Variants in SYN2 observed in about 807,000 individuals in gnomAD.
SYN2 encodes synapsin II, also known as synapsin-2.
A neutral mutation model predicts 50.9 loss-of-function variants in SYN2; 19 were observed. The observed-to-expected ratio is 0.37, with a 90% confidence interval of 0.26 to 0.55. The LOEUF (loss-of-function observed/expected upper bound fraction) is 0.55. SYN2 is among the 20% of genes least tolerant of loss of function. The pLI, the probability that SYN2 is intolerant of heterozygous loss-of-function variation, is 0.81. For missense variants in SYN2, 587 were observed against 576.4 expected, an observed-to-expected ratio of 1.02 and a Z score of -0.19; for synonymous variants, 255 against 224.9, an observed-to-expected ratio of 1.13 and a Z score of -1.20.
At chr3:12,118,531 A>G (rs1334444425) in intron 1 of SYN2, among the ~76,000 whole-genome samples, 1 of 152,228 alleles carries the variant, frequency 6.6e-6, no homozygotes, top group Non-Finnish European at 1.5e-5. Context: ...TGAAACAGTT[A>G]TTTATGGTTT....
At chr3:12,141,326 C>T (rs1288480480) in intron 2 of SYN2, among the ~76,000 whole-genome samples, 2 of 151,920 alleles carry the variant, frequency 1.3e-5, no homozygotes, top group African/African-American at 4.8e-5. Flanking sequence ...AAAGAAGTTT[C>T]TCATCATTCA....
At position 12,082,475 on chromosome 3, in the gene SYN2, G is replaced by A. The variant is rs139388230; in HGVS notation, c.378-58176G>A. ...GATGCCGGCCAAAGGCCAAATTTGCGAACAGGCTTTTGTAAGGATAGCAGT... is the reference window on the plus strand; with the variant it reads ...GATGCCGGCCAAAGGCCAAATTTGCAAACAGGCTTTTGTAAGGATAGCAGT... On this transcript the variant is annotated intron_variant, in intron 1 of 12. Coordinates refer to ENST00000621198, the MANE Select transcript of SYN2 (RefSeq NM_133625.6). Among the ~76,000 whole-genome samples the A allele has an allele frequency of 2.4e-4, 37 of 152,318 alleles. 1 individual carries two copies. The highest frequency in any genetic ancestry group is 4.6e-4 in the Admixed American group (7 of 15,302).
chr3:12,169,893 C>G lies in SYN2; in HGVS notation c.1295C>G (p.Thr432Ser). ...CTGTCTCCTCAGAGACCCCTAACAACCCAGCAGCCACAGGTAAGCAGCTAG... is the reference window on the plus strand; with the variant it reads ...CTGTCTCCTCAGAGACCCCTAACAAGCCAGCAGCCACAGGTAAGCAGCTAG... ...PALSPQRPLT[T>S]QQPQSGTLKD... The change falls in exon 10 of 13, where the codon ACC becomes AGC. Residue 432 changes from threonine to serine, a missense_variant. Transcript: ENST00000621198. 1.2e-6 allele frequency: 2 copies of G among 1,609,800 alleles called. No individual in the cohort carries two copies. Among genetic ancestry groups the G allele is most frequent in the Non-Finnish European group, 1.7e-6 (2 of 1,178,048 alleles).
At chr3:12,118,833 CA>C (rs375315672) in intron 1 of SYN2, among the ~76,000 whole-genome samples, 33 of 152,180 alleles carry the variant, frequency 2.2e-4, no homozygotes, top group African/African-American at 7.9e-4. Context: ...AGCAAAAAAA[CA>C]AAAGAAGTGA....
intron 1 of SYN2, among the ~76,000 whole-genome samples, chr3:12,076,261 C>T (rs1207350097): frequency 1.3e-5 from 2 of 152,024 alleles, no homozygotes; most frequent in Non-Finnish European, 2.9e-5. Context: ...AGTCATATTA[C>T]CACATTTCTT....
chr3:12,043,457 C>G (rs1294382974), intron 1 of SYN2, among the ~76,000 whole-genome samples: 1 of 152,008 alleles, frequency 6.6e-6, no homozygotes, highest in Non-Finnish European at 1.5e-5. Context: ...TCCTATATAA[C>G]CCGGTATATT....
chr3:12,053,805 TA>T (rs1694925609), intron 1 of SYN2, among the ~76,000 whole-genome samples: 5 of 152,214 alleles, frequency 3.3e-5, no homozygotes, highest in African/African-American at 1.2e-4. Flanking sequence ...TAAGTTAAAT[TA>T]AAAAATTAAG....
intron 1 of SYN2, among the ~76,000 whole-genome samples, chr3:12,130,305 C>T (rs1444815248): frequency 6.6e-6 from 1 of 151,790 alleles, no homozygotes; most frequent in Non-Finnish European, 1.5e-5. Flanking sequence ...GCTGAGAAGT[C>T]CCAAGATCTG....
At chr3:12,034,174 C>CTGTGG (rs1694443595) in intron 1 of SYN2, among the ~76,000 whole-genome samples, 2 of 152,212 alleles carry the variant, frequency 1.3e-5, no homozygotes, top group Non-Finnish European at 2.9e-5. Context: ...ACTTTCTTCA[C>CTGTGG]ATCCTCAGTG....
At chr3:12,035,804 TA>T (rs1694486228) in intron 1 of SYN2, among the ~76,000 whole-genome samples, 1 of 152,224 alleles carries the variant, frequency 6.6e-6, no homozygotes. Flanking sequence ...GCAAGAAATT[TA>T]GAACAAAGAA....
intron 1 of SYN2, among the ~76,000 whole-genome samples, chr3:12,059,505 G>A (rs751232180): frequency 6.6e-6 from 1 of 152,076 alleles, no homozygotes; most frequent in Non-Finnish European, 1.5e-5. Flanking sequence ...TTAAAACAAA[G>A]AACGGTGGTC....
At chr3:12,043,286 C>T (rs771228422) in intron 1 of SYN2, among the ~76,000 whole-genome samples, 7 of 152,154 alleles carry the variant, frequency 4.6e-5, no homozygotes, top group African/African-American at 1.7e-4. Flanking sequence ...ACAAACCTCT[C>T]AAAGCACTGG....
intron 2 of SYN2, 121 bp from the exon 3 acceptor site, chr3:12,141,784 G>A: frequency 1.5e-6 from 1 of 664,996 alleles, no homozygotes; most frequent in African/African-American, 1.8e-5. Context: ...GACTAACTCA[G>A]TATGTGAACA....
At chr3:12,171,254 A>G (rs1045815023) in intron 10 of SYN2, among the ~76,000 whole-genome samples, 2 of 152,216 alleles carry the variant, frequency 1.3e-5, no homozygotes, top group African/African-American at 4.8e-5. Flanking sequence ...ACTAGAGATG[A>G]TAAAAAGATT....
intron 1 of SYN2, among the ~76,000 whole-genome samples, chr3:12,125,611 C>A (rs1574953790): frequency 6.6e-6 from 1 of 152,014 alleles, no homozygotes; most frequent in Non-Finnish European, 1.5e-5. Context: ...CAAAGAGGAG[C>A]CTTCATTTCA....
At chr3:12,067,332 T>C (rs1695235951) in intron 1 of SYN2, among the ~76,000 whole-genome samples, 1 of 152,180 alleles carries the variant, frequency 6.6e-6, no homozygotes, top group Non-Finnish European at 1.5e-5. Flanking sequence ...TTGTTTCAAC[T>C]CTATATGAGA....
chr3:12,021,343 A>G (rs1034567106), intron 1 of SYN2, among the ~76,000 whole-genome samples: 1 of 152,210 alleles, frequency 6.6e-6, no homozygotes, highest in Non-Finnish European at 1.5e-5. Context: ...CAGTCTATCA[A>G]CCATTTTTAC....
At chr3:12,013,656 A>T (rs1171437709) in intron 1 of SYN2, among the ~76,000 whole-genome samples, 1 of 152,152 alleles carries the variant, frequency 6.6e-6, no homozygotes, top group Non-Finnish European at 1.5e-5. Context: ...GTTCTCATTA[A>T]CTTTCACCTA....
chr3:12,035,383 A>G (rs73813103), intron 1 of SYN2, among the ~76,000 whole-genome samples: 13,799 of 152,216 alleles, frequency 0.091, 2,054 homozygotes, highest in African/African-American at 0.31. Context: ...TAGGGGGCTT[A>G]TTACTGAACC....
Sources: gnomAD v4.1 joint callset for allele counts (sites outside exome capture counted in the v4.1 genomes callset) on GRCh38, gnomAD v4.1.1 for gene constraint, MANE v1.5 for transcripts, NCBI Gene and HGNC (gene_info 2026-07-23, HGNC 2026-07-21) for gene names.